The following DCP2 variants were observed in gnomAD, a reference collection of about 807,000 sequenced individuals.
DCP2 encodes decapping mRNA 2, also known as m7GpppN-mRNA hydrolase.
DCP2 carries 30 observed loss-of-function variants against 56.1 expected under a neutral mutation model. That is an observed-to-expected ratio of 0.53 (90% CI 0.40 to 0.73). The LOEUF is 0.73. Ranked by LOEUF, DCP2 falls within the 30% of genes least tolerant of loss-of-function variation. The pLI is 0.00. For missense variants in DCP2, 533 were observed against 502.7 expected (o/e 1.06, Z -0.58); for synonymous variants, 197 against 163.3 (o/e 1.21, Z -1.57).
At position 113,017,967 on chromosome 5, in the gene DCP2, A is replaced by G. The variant is rs1470504592; in HGVS notation, c.*4483A>G. 6.6e-6 allele frequency: 1 copy of G among 152,214 alleles called. No homozygotes were observed. The highest frequency in any genetic ancestry group is 1.5e-5 in the Non-Finnish European group (1 of 68,042). The allele number at this position is 152,214 out of a possible 1,614,324, so 9.4% of individuals were successfully genotyped here. On this transcript the variant is annotated 3_prime_UTR_variant, in exon 11 of 11. Transcript: ENST00000389063. ...ATTTTTCTCACTTTAAAGACCAGTG[A>G]TGAGGAGTCTGGTCCTTCCTGTACT...
intron 9 of DCP2, among the ~76,000 whole-genome samples, chr5:113,009,615 C>T (rs2150190985): frequency 6.6e-6 from 1 of 152,074 alleles, no homozygotes. Context: ...GAATGTTCAC[C>T]CCCTTTATGA....
At chr5:113,001,715 T>G (rs1445384956) in intron 7 of DCP2, 41 bp downstream of exon 7, 1 of 1,559,394 alleles carries the variant, frequency 6.4e-7, no homozygotes, top group Admixed American at 1.7e-5. Flanking sequence ...TTCTAATAGT[T>G]TTTAAAAGTG....
At position 112,985,938 on chromosome 5, in the gene DCP2, A is replaced by T. The variant is rs778398996; in HGVS notation, c.157A>T (p.Asn53Tyr). The T allele has an allele frequency of 1.9e-6, 3 of 1,604,200 alleles. No individual in the cohort carries two copies. In the South Asian group the frequency reaches 3.3e-5, roughly 18 times the overall value. The change falls in exon 2 of 11, where the codon AAC becomes TAC. Residue 53 changes from asparagine (N) to tyrosine (Y), a missense_variant. Transcript: ENST00000389063. ...GTTTTACTTGGATTTCTACATGCAG[A>T]ACACACCAGGATTACCTCAGTGTGG... ...HWFYLDFYMQ[N>Y]TPGLPQCGIR...
At chr5:112,992,824 ATT>A in intron 4 of DCP2, 54 bp downstream of exon 4, 1 of 1,397,772 alleles carries the variant, frequency 7.2e-7, no homozygotes, top group Non-Finnish European at 9.6e-7. Context: ...GTCTGAATGT[ATT>A]TTTTTTAGCC....
At position 113,018,108 on chromosome 5, in the gene DCP2, G is replaced by C. The variant is rs778086959; in HGVS notation, c.*4624G>C. On this transcript the variant is annotated 3_prime_UTR_variant, in exon 11 of 11. Coordinates refer to ENST00000389063, the MANE Select transcript of DCP2 (RefSeq NM_152624.6). ...GTCACATCACAGTGGTTATACATTT[G>C]TCCTGAATGGTGATTCATTCCTTTC... 6.6e-6 allele frequency: 1 copy of C among 152,142 alleles called. No individual in the cohort carries two copies. The highest frequency in any genetic ancestry group is 1.5e-5 in the Non-Finnish European group (1 of 68,038). The allele number at this position is 152,142 out of a possible 1,614,324, so 9.4% of individuals were successfully genotyped here.
At chr5:112,987,765 T>G (rs1022714982) in intron 2 of DCP2, among the ~76,000 whole-genome samples, 2 of 151,882 alleles carry the variant, frequency 1.3e-5, no homozygotes, top group African/African-American at 4.8e-5. Flanking sequence ...TGAGCAACTG[T>G]GCCCAAACTG....
chr5:112,995,927 T>C (rs972201612), intron 4 of DCP2, among the ~76,000 whole-genome samples: 6 of 152,208 alleles, frequency 3.9e-5, no homozygotes, highest in African/African-American at 1.4e-4. Flanking sequence ...AACACCTTGC[T>C]GAGCACACTT....
At chr5:112,984,251 C>T (rs1035698709) in intron 1 of DCP2, 1 of 152,116 alleles carries the variant, frequency 6.6e-6, no homozygotes, top group Admixed American at 6.6e-5. Flanking sequence ...AAAGAAAATT[C>T]ACAATGGAGA....
intron 4 of DCP2, among the ~76,000 whole-genome samples, chr5:112,997,939 T>G (rs1488523764): frequency 6.6e-6 from 1 of 152,100 alleles, no homozygotes; most frequent in Non-Finnish European, 1.5e-5. Context: ...AAAAAAAATT[T>G]TATTTGTGGA....
intron 2 of DCP2, among the ~76,000 whole-genome samples, chr5:112,989,682 A>G (rs905814639): frequency 1.3e-5 from 2 of 152,234 alleles, no homozygotes; most frequent in African/African-American, 4.8e-5. Context: ...GACAACTGCC[A>G]TCATACCCTT....
intron 9 of DCP2, among the ~76,000 whole-genome samples, chr5:113,009,775 A>G (rs549412166): frequency 2.6e-5 from 4 of 152,346 alleles, no homozygotes; most frequent in Admixed American, 6.5e-5. Context: ...AAAGACTATC[A>G]GACACTAGTA....
chr5:112,999,559 C>CT (rs1749033685), intron 4 of DCP2, among the ~76,000 whole-genome samples: 2 of 151,500 alleles, frequency 1.3e-5, no homozygotes, highest in Admixed American at 1.3e-4. Flanking sequence ...AACTCCTGAC[C>CT]TGGTGATTAG....
chr5:112,992,321 T>C, intron 3 of DCP2, 73 bp downstream of exon 3: 2 of 1,532,266 alleles, frequency 1.3e-6, no homozygotes, highest in East Asian at 2.3e-5. Flanking sequence ...GTTATTGATG[T>C]AGTGTTTCTA....
rs1750135658 is a variant in DCP2, at chr5:113,021,571, T to TA, written c.*8088dup. 1.3e-5 allele frequency among the ~76,000 whole-genome samples: 2 copies of TA among 152,206 alleles called. No homozygotes were observed. Among genetic ancestry groups the TA allele is most frequent in the Admixed American group, 1.3e-4 (2 of 15,278 alleles). On this transcript the variant is annotated 3_prime_UTR_variant, in exon 11 of 11. Coordinates refer to ENST00000389063, the MANE Select transcript of DCP2 (RefSeq NM_152624.6). ...TTTGTGCTAGAATCAGGTTTTGCAA[T>TA]AGGAATACTTAACTTTGGATCTCAA...
In DCP2 at chr5:112,976,973, G is replaced by T; in HGVS notation, c.40G>T (p.Asp14Tyr). 1 of 1,593,922 alleles carries T rather than the reference G, an allele frequency of 6.3e-7. No individual in the cohort carries two copies. Among genetic ancestry groups the T allele is most frequent in the East Asian group, 2.3e-5 (1 of 43,922 alleles). The change falls in exon 1 of 11, where the codon GAC (aspartate) becomes TAC (tyrosine). Residue 14 changes from aspartate to tyrosine, a missense_variant. Physicochemically the swap from Asp to Tyr is radical, Grantham distance 160. Around this residue, in one of 3 missense-constraint regions of DCP2, gnomAD observed 137 missense variants for 138.2 expected, o/e 0.99. Coordinates refer to ENST00000389063, the MANE Select transcript of DCP2 (RefSeq NM_152624.6). The part of the protein sequence containing the change: ...KRVEIPGSVL[D>Y]DLCSRFILHI... ...GGTGGAGATTCCCGGCAGCGTCCTG[G>T]ACGATCTCTGCAGGTACCGCGCTAC...
chr5:113,017,601 A>G lies in DCP2; in HGVS notation c.*4117A>G, dbSNP rs1749940841. On this transcript the variant is annotated 3_prime_UTR_variant, in exon 11 of 11. Transcript: ENST00000389063. ...AAATGGGCAGTACAGGCTTTGCCCCATGCTTTCAAAGTAGGATTCTGGATT... is the reference window on the plus strand; with the variant it reads ...AAATGGGCAGTACAGGCTTTGCCCCGTGCTTTCAAAGTAGGATTCTGGATT... 6.6e-6 allele frequency: 1 copy of G among 152,230 alleles called. No individual in the cohort carries two copies. Among genetic ancestry groups the G allele is most frequent in the Non-Finnish European group, 1.5e-5 (1 of 68,044 alleles). 9.4% of individuals were successfully genotyped at this position (152,230 alleles called of 1,614,324 possible).
chr5:113,006,761 A>G (rs977107626), intron 8 of DCP2, among the ~76,000 whole-genome samples: 1 of 152,192 alleles, frequency 6.6e-6, no homozygotes, highest in Non-Finnish European at 1.5e-5. Context: ...TTTGGTAGGA[A>G]AATTATCTTA....
At chr5:112,978,413 A>G (rs1339530400) in intron 1 of DCP2, among the ~76,000 whole-genome samples, 1 of 152,358 alleles carries the variant, frequency 6.6e-6, no homozygotes, top group African/African-American at 2.4e-5. Flanking sequence ...TGTAATTTAC[A>G]TAAGGTCACA....
At position 112,976,847 on chromosome 5, in the gene DCP2, C is replaced by T. The variant is rs780585093; in HGVS notation, c.-87C>T. The T allele has an allele frequency of 1.5e-5, 22 of 1,431,366 alleles. No individual in the cohort carries two copies. The highest frequency in any genetic ancestry group is 4.5e-5 in the East Asian group (2 of 43,982). The allele number at this position is 1,431,366 out of a possible 1,614,324, so 88.7% of individuals were successfully genotyped here. A position where few individuals can be genotyped will look rare whatever the true frequency, so the allele number is the denominator to read the frequency against. On this transcript the variant is annotated 5_prime_UTR_variant, in exon 1 of 11. Transcript: ENST00000389063. ...GCCGCGGCTTCCTCGGCTGCCAGCT[C>T]TCCGGCGAGCCGGAGTCCTAGTGCC...
Sources: allele counts gnomAD v4.1 joint callset (sites outside exome capture counted in the v4.1 genomes callset), GRCh38; gene constraint gnomAD v4.1.1; regional missense constraint gnomAD v4.1.1; transcripts MANE v1.5; gene names NCBI Gene and HGNC (gene_info 2026-07-23, HGNC 2026-07-21).